SETD2: variants seen among roughly 807,000 people sequenced by gnomAD.
SETD2 encodes histone-lysine N-methyltransferase SETD2.
Under a neutral mutation model 242.1 loss-of-function variants are expected in SETD2, and 31 were observed. That is an observed-to-expected ratio of 0.13 (90% CI 0.10 to 0.17). The LOEUF is 0.17. Ranked by LOEUF, SETD2 falls within the 10% of genes least tolerant of loss-of-function variation. SETD2 has a pLI of 1.00. For synonymous variants in SETD2, 1,006 were observed against 1,066.5 expected (o/e 0.94, Z 1.11); for missense variants, 2,481 against 3,046.3 (o/e 0.81, Z 4.37).
Position 47,046,786 on chromosome 3 carries a change from C to T in SETD2, c.6964-165G>A, listed in dbSNP as rs559344791. The T allele has an allele frequency of 8.9e-6, 4 of 451,960 alleles. No homozygotes were observed. In the South Asian group the frequency reaches 2.7e-4, roughly 30 times the overall value. 28.0% of individuals were successfully genotyped at this position (451,960 alleles called of 1,614,324 possible). A position where few individuals can be genotyped will look rare whatever the true frequency, so the allele number is the denominator to read the frequency against. On this transcript the variant is annotated intron_variant, in intron 15 of 20. Coordinates refer to ENST00000409792, the MANE Select transcript of SETD2 (RefSeq NM_014159.7). ...CAAAACAATTTTTTGTTTCAAACCC[C>T]AAAGTTTCTTTTTTTACTAATTCCC...
At chr3:47,040,514 A>G (rs2039229575) in intron 17 of SETD2, among the ~76,000 whole-genome samples, 2 of 151,204 alleles carry the variant, frequency 1.3e-5, no homozygotes, top group African/African-American at 4.9e-5. Context: ...GAAAATAAAA[A>G]TATTTCCCAC....
chr3:47,136,323 T>C (rs1052855198), intron 1 of SETD2, among the ~76,000 whole-genome samples: 13 of 152,200 alleles, frequency 8.5e-5, no homozygotes, highest in Admixed American at 4.6e-4. Flanking sequence ...GCCTTCTCTC[T>C]GTCCCTCATA....
At chr3:47,046,157 G>C (rs1053904325) in intron 16 of SETD2, among the ~76,000 whole-genome samples, 3 of 151,186 alleles carry the variant, frequency 2.0e-5, no homozygotes, top group African/African-American at 7.3e-5. Flanking sequence ...GGTCAACATG[G>C]GGAAACTCCG....
chr3:47,017,318 G>C lies in SETD2; in HGVS notation c.7534-64C>G. The C allele has an allele frequency of 1.9e-6, 3 of 1,559,332 alleles. No individual in the cohort carries two copies. Among genetic ancestry groups the C allele is most frequent in the East Asian group, 2.3e-5 (1 of 44,400 alleles). The stretch of plus-strand genomic sequence containing the variant: ...CAGAGCAGAAATTATATGAGGGGGA[G>C]GACAGGGGTGGTAATCCAGCCTGCT... On this transcript the variant is annotated intron_variant, in intron 20 of 20. Coordinates refer to ENST00000409792, the MANE Select transcript of SETD2 (RefSeq NM_014159.7). The surrounding 1 kb of genome is among the most constrained non-coding windows in gnomAD (Gnocchi z 4.8).
chr3:47,063,891 G>A (rs1310771779), intron 13 of SETD2, among the ~76,000 whole-genome samples: 1 of 152,098 alleles, frequency 6.6e-6, no homozygotes, highest in Non-Finnish European at 1.5e-5. Flanking sequence ...GCTGAGGCAG[G>A]AGAATGGCTT....
chr3:47,056,961 A>G lies in SETD2; in HGVS notation c.6823T>C (p.Ser2275Pro). The change falls in exon 15 of 21, where the codon TCA becomes CCA. Residue 2275 changes from serine (S) to proline (P), a missense_variant. Transcript: ENST00000409792. ...TGTACACTGACAGACTGTTGGTTTG[A>G]ATCCCAAACACTATAATTCTGTCCC... The part of the protein sequence containing the change: ...VQGQNYSVWD[S>P]NQQSVSVQQQ... 6.2e-7 allele frequency: 1 copy of G among 1,614,266 alleles called. No individual in the cohort carries two copies. The highest frequency in any genetic ancestry group is 8.5e-7 in the Non-Finnish European group (1 of 1,180,048).
In SETD2 at chr3:47,120,782, T is replaced by C; in HGVS notation, c.3854A>G (p.Lys1285Arg). The C allele has an allele frequency of 1.2e-6, 2 of 1,614,208 alleles. No individual in the cohort carries two copies. The highest frequency in any genetic ancestry group is 2.7e-5 in the African/African-American group (2 of 75,068). ...ATACTGTTCTGCATTTTGCTGATAC[T>C]TGTGTCCACCACAAGCTCCATAGCT... is the stretch of plus-strand genomic sequence containing the variant. ...DSSYGACGGH[K>R]YQQNAEQYGG... Residue 1285 changes from lysine to arginine, a missense_variant, in exon 3 of 21, where the codon AAG becomes AGG. Lys to Arg is a conservative substitution (Grantham distance 26). This residue lies in a region of SETD2 where 1,300 missense variants were observed against 1,259.2 expected (regional missense o/e 1.03). Transcript: ENST00000409792.
At chr3:47,146,979 A>G (rs1278737481) in intron 1 of SETD2, among the ~76,000 whole-genome samples, 4 of 151,640 alleles carry the variant, frequency 2.6e-5, no homozygotes, top group Non-Finnish European at 5.9e-5. Flanking sequence ...CCTGGCAGAG[A>G]GTTTATACTC....
At chr3:47,022,193 TCACACACACACA>T (rs55972218) in intron 18 of SETD2, among the ~76,000 whole-genome samples, 88 of 131,022 alleles carry the variant, frequency 6.7e-4, no homozygotes, top group East Asian at 3.1e-3. Context: ...CAACAATCTG[TCACACACACACA>T]CACACACACA....
At chr3:47,117,624 T>C (rs1457579205) in intron 3 of SETD2, among the ~76,000 whole-genome samples, 1 of 152,218 alleles carries the variant, frequency 6.6e-6, no homozygotes, top group Non-Finnish European at 1.5e-5. Flanking sequence ...AGAGAATCTT[T>C]CAGTAACATC....
chr3:47,144,405 G>A (rs749109372), intron 1 of SETD2, among the ~76,000 whole-genome samples: 18 of 152,116 alleles, frequency 1.2e-4, no homozygotes, highest in Non-Finnish European at 2.4e-4. Context: ...TTGGGAGACC[G>A]AGGCAGGCGA....
intron 15 of SETD2, among the ~76,000 whole-genome samples, chr3:47,049,912 A>AC (rs2039743925): frequency 1.5e-5 from 1 of 67,734 alleles, no homozygotes; most frequent in South Asian, 4.2e-4. Flanking sequence ...CTTATTCTGA[A>AC]TTTATATATT....
At chr3:47,095,356 G>A (rs1010883201) in intron 9 of SETD2, among the ~76,000 whole-genome samples, 17 of 152,080 alleles carry the variant, frequency 1.1e-4, no homozygotes, top group Non-Finnish European at 2.4e-4. Flanking sequence ...GGCTGGTCTT[G>A]AACTCCTAAC....
At chr3:47,102,891 A>T (rs1017613278) in intron 7 of SETD2, among the ~76,000 whole-genome samples, 2 of 152,150 alleles carry the variant, frequency 1.3e-5, no homozygotes, top group Non-Finnish European at 2.9e-5. Flanking sequence ...ATCCAAATAC[A>T]CACTGAACTT....
intron 17 of SETD2, among the ~76,000 whole-genome samples, 162 bp downstream of exon 17, chr3:47,042,399 C>T (rs2039320183): frequency 6.6e-6 from 1 of 152,130 alleles, no homozygotes; most frequent in Non-Finnish European, 1.5e-5. Flanking sequence ...CAAAGTCTAA[C>T]GTCTAAAATA....
At chr3:47,101,260 A>G (rs923605805) in intron 8 of SETD2, among the ~76,000 whole-genome samples, 198 bp downstream of exon 8, 2 of 152,166 alleles carry the variant, frequency 1.3e-5, no homozygotes, top group African/African-American at 4.8e-5. Context: ...AGAAAATTAT[A>G]CAGTTCCTGT....
At chr3:47,055,034 T>G (rs1221788241) in intron 15 of SETD2, among the ~76,000 whole-genome samples, 1 of 152,068 alleles carries the variant, frequency 6.6e-6, no homozygotes. Flanking sequence ...AAAGTCTGAC[T>G]TACTATCTTA....
At chr3:47,076,614 G>A (rs1215199137) in intron 12 of SETD2, among the ~76,000 whole-genome samples, 1 of 152,110 alleles carries the variant, frequency 6.6e-6, no homozygotes, top group East Asian at 1.9e-4. Context: ...GGTCTAGTGA[G>A]GGGAAACAAG....
At chr3:47,115,444 ATC>A (rs1200495748) in intron 4 of SETD2, among the ~76,000 whole-genome samples, 1 of 152,132 alleles carries the variant, frequency 6.6e-6, no homozygotes, top group Non-Finnish European at 1.5e-5. Flanking sequence ...CTGTACTGTC[ATC>A]TCTCTCTCTA....
Sources: allele counts gnomAD v4.1 joint callset (sites outside exome capture counted in the v4.1 genomes callset), GRCh38; gene constraint gnomAD v4.1.1; regional missense constraint gnomAD v4.1.1; non-coding constraint Gnocchi (gnomAD v3.1); transcripts MANE v1.5; gene names NCBI Gene and HGNC (gene_info 2026-07-23, HGNC 2026-07-21).